SLC9A3: variants seen among roughly 807,000 people sequenced by gnomAD.
SLC9A3 encodes solute carrier family 9 member A3.
SLC9A3 carries 37 observed loss-of-function variants against 86.8 expected under a neutral mutation model. That is an observed-to-expected ratio of 0.43 (90% CI 0.33 to 0.56). The LOEUF is 0.56. Among genes scored for constraint, SLC9A3 ranks in the 20% least tolerant of loss-of-function variants. The pLI is 0.06. For missense variants in SLC9A3, 1,011 were observed against 1,171.9 expected (o/e 0.86, Z 2.00); for synonymous variants, 581 against 528.3 (o/e 1.10, Z -1.37).
At chr5:513,927 C>T (rs375683210) in intron 1 of SLC9A3, among the ~76,000 whole-genome samples, 3 of 152,244 alleles carry the variant, frequency 2.0e-5, no homozygotes, top group African/African-American at 7.2e-5. Context: ...GGCAGGCGGG[C>T]CACGCACAGC....
At chr5:511,203 G>T (rs1157696531) in intron 1 of SLC9A3, among the ~76,000 whole-genome samples, 7 of 152,132 alleles carry the variant, frequency 4.6e-5, no homozygotes, top group Admixed American at 4.6e-4. Flanking sequence ...GTGGACAAAA[G>T]ACCTAAATGT....
intron 2 of SLC9A3, 62 bp from the exon 3 acceptor site, chr5:488,538 G>T: frequency 7.0e-7 from 1 of 1,435,520 alleles, no homozygotes; most frequent in Non-Finnish European, 9.2e-7. Context: ...GGAGGGCCCT[G>T]GGGAGGCGCT....
chr5:501,907 T>C (rs1331307748), intron 1 of SLC9A3, among the ~76,000 whole-genome samples: 2 of 152,020 alleles, frequency 1.3e-5, no homozygotes, highest in African/African-American at 2.4e-5. Context: ...GGGAGCCGGC[T>C]CCCGGGGGCC....
chr5:478,018 CAG>C (rs889265658), intron 10 of SLC9A3: 3 of 152,664 alleles, frequency 2.0e-5, no homozygotes, highest in Non-Finnish European at 4.4e-5. Flanking sequence ...TGGCTGGAGT[CAG>C]GGTCCCCAGG....
Position 497,350 on chromosome 5 carries a change from C to A in SLC9A3, c.212-5279G>T, listed in dbSNP as rs1256521609. 2.6e-5 allele frequency among the ~76,000 whole-genome samples: 4 copies of A among 152,156 alleles called. No homozygotes were observed. Among genetic ancestry groups the A allele is most frequent in the Non-Finnish European group, 5.9e-5 (4 of 68,028 alleles). ...CCCCACTGCCCTCGAAACCTGGTTT[C>A]TCTGCTCCCGGGTCTCAAATCCGGG... On this transcript the variant is annotated intron_variant, in intron 1 of 16. Coordinates refer to ENST00000264938, the MANE Select transcript of SLC9A3 (RefSeq NM_004174.4). This position sits in a 1 kb window ranked among gnomAD's most constrained non-coding sequence, Gnocchi z 5.4.
chr5:492,381 AACCCACAGGGGAGGGGAGGGAGGTC>A (rs1739811857), intron 1 of SLC9A3, among the ~76,000 whole-genome samples: 1 of 30,450 alleles, frequency 3.3e-5, no homozygotes, highest in Non-Finnish European at 6.3e-5. Context: ...GGTAGGGGGG[AACCCACAGGGGAGGGGAGGGAGGTC>A]GGGGTGGGAC....
chr5:505,937 G>T (rs1579814196), intron 1 of SLC9A3, among the ~76,000 whole-genome samples: 1 of 152,000 alleles, frequency 6.6e-6, no homozygotes, highest in African/African-American at 2.4e-5. Flanking sequence ...GGTGGGGTTA[G>T]GGTTGGGGTG....
At chr5:485,509 C>G (rs1739422897) in intron 3 of SLC9A3, among the ~76,000 whole-genome samples, 1 of 152,280 alleles carries the variant, frequency 6.6e-6, no homozygotes, top group Admixed American at 6.5e-5. Flanking sequence ...AGCTGCAAAG[C>G]TCCCTGCCAC....
At chr5:486,187 C>T (rs112389393) in intron 3 of SLC9A3, among the ~76,000 whole-genome samples, 2 of 149,860 alleles carry the variant, frequency 1.3e-5, no homozygotes, top group Non-Finnish European at 3.0e-5. Flanking sequence ...TGACCCCACC[C>T]TTCCCTCCGG....
In SLC9A3 at chr5:493,540, C is replaced by T. The variant is rs148781468; in HGVS notation, c.212-1469G>A. On this transcript the variant is annotated intron_variant, in intron 1 of 16. Coordinates refer to ENST00000264938, the MANE Select transcript of SLC9A3 (RefSeq NM_004174.4). ...GAGGGAGGTGCTGTTCTGGATTTGC[C>T]GTTCCTTCCCCGAGGATGGTCTTAC... is the stretch of plus-strand genomic sequence containing the variant. Among the ~76,000 whole-genome samples, 8 of 152,366 alleles carry T rather than the reference C, an allele frequency of 5.3e-5. No individual in the cohort carries two copies. The South Asian group carries it at 1.0e-3, about 20-fold the overall frequency.
At chr5:480,343 A>G (rs897839733) in intron 9 of SLC9A3, 33 of 183,574 alleles carry the variant, frequency 1.8e-4, no homozygotes, top group Middle Eastern at 2.2e-3. Context: ...CAAGCTGACC[A>G]GAGTGAGGTT....
At chr5:499,004 T>G (rs1740152252) in intron 1 of SLC9A3, among the ~76,000 whole-genome samples, 1 of 152,212 alleles carries the variant, frequency 6.6e-6, no homozygotes. Context: ...TTGGTGACCC[T>G]GCATCTCCCT....
chr5:503,599 A>G (rs772048319), intron 1 of SLC9A3, among the ~76,000 whole-genome samples: 1 of 152,224 alleles, frequency 6.6e-6, no homozygotes, highest in Non-Finnish European at 1.5e-5. Flanking sequence ...TGAAGAGCGA[A>G]TGGTAAAAAA....
intron 2 of SLC9A3, among the ~76,000 whole-genome samples, chr5:490,612 T>C (rs1372095096): frequency 4.6e-5 from 7 of 151,986 alleles, no homozygotes; most frequent in African/African-American, 1.5e-4. Flanking sequence ...TCGACACAGC[T>C]GGGAGGAAGC....
intron 1 of SLC9A3, among the ~76,000 whole-genome samples, chr5:503,523 A>C (rs1740403832): frequency 6.6e-6 from 1 of 152,202 alleles, no homozygotes; most frequent in African/African-American, 2.4e-5. Flanking sequence ...ATCCTTGCCC[A>C]GAAAAAGGCC....
At chr5:504,492 T>C (rs1166577449) in intron 1 of SLC9A3, among the ~76,000 whole-genome samples, 1 of 152,150 alleles carries the variant, frequency 6.6e-6, no homozygotes, top group African/African-American at 2.4e-5. Flanking sequence ...TCCTCCAGTG[T>C]GTCCGGCGGC....
At chr5:519,001 C>T (rs747210940) in intron 1 of SLC9A3, among the ~76,000 whole-genome samples, 21 of 152,172 alleles carry the variant, frequency 1.4e-4, no homozygotes, top group Non-Finnish European at 2.6e-4. Flanking sequence ...TTCTCCCGGG[C>T]GACACCTTAG....
intron 1 of SLC9A3, among the ~76,000 whole-genome samples, chr5:511,893 T>G (rs1733556944): frequency 6.6e-6 from 1 of 152,228 alleles, no homozygotes. Context: ...CTTCAGTAGA[T>G]GGATAGATCC....
intron 3 of SLC9A3, among the ~76,000 whole-genome samples, chr5:487,951 A>T (rs2126625578): frequency 6.6e-6 from 1 of 152,280 alleles, no homozygotes; most frequent in East Asian, 1.9e-4. Context: ...TACAGGCGTG[A>T]GCCACCGCAC....
Sources: gnomAD v4.1 joint callset for allele counts (sites outside exome capture counted in the v4.1 genomes callset) on GRCh38, gnomAD v4.1.1 for gene constraint, Gnocchi (gnomAD v3.1) non-coding constraint, MANE v1.5 for transcripts, NCBI Gene and HGNC (gene_info 2026-07-23, HGNC 2026-07-21) for gene names.